ZCCHC7: variants seen among roughly 807,000 people sequenced by gnomAD.
ZCCHC7 encodes the protein zinc finger CCHC domain-containing protein 7.
Under a neutral mutation model 52.0 loss-of-function variants are expected in ZCCHC7, and 35 were observed. The ratio of observed to expected loss-of-function variants is 0.67; its 90% CI spans 0.51 to 0.89. ZCCHC7 has a LOEUF of 0.89. Ranked by LOEUF, ZCCHC7 falls within the 40% of genes least tolerant of loss-of-function variation. The pLI is 0.00. For synonymous variants in ZCCHC7, 217 were observed against 221.5 expected, an observed-to-expected ratio of 0.98 and a Z score of 0.18; for missense variants, 574 against 649.1, an observed-to-expected ratio of 0.88 and a Z score of 1.26.
intron 2 of ZCCHC7, among the ~76,000 whole-genome samples, chr9:37,237,234 C>T (rs745973157): frequency 3.9e-5 from 6 of 152,208 alleles, no homozygotes; most frequent in Non-Finnish European, 7.3e-5. Flanking sequence ...CTTGAGTGAA[C>T]ATATTCCATT....
At chr9:37,128,718 C>A (rs1842642855) in intron 2 of ZCCHC7, among the ~76,000 whole-genome samples, 1 of 152,112 alleles carries the variant, frequency 6.6e-6, no homozygotes, top group African/African-American at 2.4e-5. Flanking sequence ...TTGAGTGAAT[C>A]AACAGTAAGA....
intron 2 of ZCCHC7, among the ~76,000 whole-genome samples, chr9:37,197,149 AACTTGTTAAAC>A (rs1823331388): frequency 6.6e-6 from 1 of 152,170 alleles, no homozygotes; most frequent in African/African-American, 2.4e-5. Context: ...AAGGTAGAGG[AACTTGTTAAAC>A]ACTTTAAAAT....
At chr9:37,177,632 C>T (rs925936745) in intron 2 of ZCCHC7, among the ~76,000 whole-genome samples, 33 of 152,058 alleles carry the variant, frequency 2.2e-4, no homozygotes, top group African/African-American at 7.5e-4. Context: ...TAAGAGAGAA[C>T]ACAATAAGAC....
chr9:37,209,610 C>T (rs1019955305), intron 2 of ZCCHC7, among the ~76,000 whole-genome samples: 2 of 152,154 alleles, frequency 1.3e-5, no homozygotes, highest in African/African-American at 2.4e-5. Flanking sequence ...AATGGTTTCA[C>T]TCTACCTGTT....
At chr9:37,185,694 T>G (rs1822613758) in intron 2 of ZCCHC7, among the ~76,000 whole-genome samples, 1 of 152,158 alleles carries the variant, frequency 6.6e-6, no homozygotes. Flanking sequence ...TCAGGTGGCT[T>G]TGGTCTCAAA....
At chr9:37,288,964 A>G (rs1342670649) in intron 2 of ZCCHC7, among the ~76,000 whole-genome samples, 2 of 152,186 alleles carry the variant, frequency 1.3e-5, no homozygotes, top group East Asian at 3.8e-4. Context: ...CTCATAATCC[A>G]GTATCCAATG....
chr9:37,350,972 A>G (rs1821340560), intron 7 of ZCCHC7, among the ~76,000 whole-genome samples: 1 of 152,236 alleles, frequency 6.6e-6, no homozygotes, highest in Non-Finnish European at 1.5e-5. Context: ...CAGACTGAGA[A>G]GTATGAGCAA....
intron 2 of ZCCHC7, among the ~76,000 whole-genome samples, chr9:37,301,962 A>T (rs1829048174): frequency 6.6e-6 from 1 of 152,190 alleles, no homozygotes; most frequent in Admixed American, 6.5e-5. Context: ...CAGGGAAAAT[A>T]CTATTATCCC....
At chr9:37,339,844 A>G (rs1448072261) in intron 6 of ZCCHC7, among the ~76,000 whole-genome samples, 1 of 152,220 alleles carries the variant, frequency 6.6e-6, no homozygotes, top group East Asian at 1.9e-4. Flanking sequence ...TACATATCGT[A>G]TATAGTAATG....
At chr9:37,195,846 G>C (rs1266904663) in intron 2 of ZCCHC7, among the ~76,000 whole-genome samples, 1 of 152,138 alleles carries the variant, frequency 6.6e-6, no homozygotes, top group Non-Finnish European at 1.5e-5. Context: ...ATAAAATATT[G>C]CCAAAATAAT....
At chr9:37,334,470 G>T (rs1434828479) in intron 6 of ZCCHC7, among the ~76,000 whole-genome samples, 1 of 151,898 alleles carries the variant, frequency 6.6e-6, no homozygotes, top group Non-Finnish European at 1.5e-5. Flanking sequence ...TCCTTGACTT[G>T]TTAACATGAA....
intron 8 of ZCCHC7, among the ~76,000 whole-genome samples, chr9:37,355,847 T>C (rs145536816): frequency 5.9e-5 from 9 of 152,340 alleles, no homozygotes; most frequent in Admixed American, 2.6e-4. Flanking sequence ...GGAGAAGTTA[T>C]AGTAGTTGTA....
intron 2 of ZCCHC7, among the ~76,000 whole-genome samples, chr9:37,280,860 C>T (rs1239291259): frequency 6.6e-6 from 1 of 151,942 alleles, no homozygotes; most frequent in Non-Finnish European, 1.5e-5. Flanking sequence ...CCTTGGCCTC[C>T]CAGACTCAGG....
At chr9:37,208,394 C>A (rs1416512598) in intron 2 of ZCCHC7, among the ~76,000 whole-genome samples, 1 of 152,176 alleles carries the variant, frequency 6.6e-6, no homozygotes, top group Non-Finnish European at 1.5e-5. Flanking sequence ...CCTATTAAAG[C>A]TTCTGAAACA....
intron 2 of ZCCHC7, among the ~76,000 whole-genome samples, chr9:37,282,968 G>A (rs559553298): frequency 6.6e-6 from 1 of 150,976 alleles, no homozygotes; most frequent in South Asian, 2.1e-4. Flanking sequence ...GATGTGGGGT[G>A]GGGTGGGATG....
chr9:37,125,279 A>G (rs1337429809), intron 1 of ZCCHC7, among the ~76,000 whole-genome samples: 1 of 152,218 alleles, frequency 6.6e-6, no homozygotes, highest in Non-Finnish European at 1.5e-5. Flanking sequence ...CCTCCTGAGT[A>G]GTAGCTGGGA....
chr9:37,253,589 G>A (rs1445201166), intron 2 of ZCCHC7, among the ~76,000 whole-genome samples: 1 of 151,824 alleles, frequency 6.6e-6, no homozygotes, highest in Non-Finnish European at 1.5e-5. Flanking sequence ...AATTGACCAC[G>A]TGACACACAC....
intron 2 of ZCCHC7, among the ~76,000 whole-genome samples, chr9:37,264,972 T>A (rs910470852): frequency 6.6e-6 from 1 of 152,222 alleles, no homozygotes; most frequent in Non-Finnish European, 1.5e-5. Flanking sequence ...CAGTCTGTAT[T>A]TCTGAATTTA....
At chr9:37,307,058 T>TC (rs201665117) in intron 5 of ZCCHC7, among the ~76,000 whole-genome samples, 7,666 of 151,930 alleles carry the variant, frequency 0.05, 625 homozygotes, top group African/African-American at 0.17. Context: ...AGTGCTAGGA[T>TC]TACAGGTGTG....
Sources: gnomAD v4.1 joint callset for allele counts (sites outside exome capture counted in the v4.1 genomes callset) on GRCh38, gnomAD v4.1.1 for gene constraint, MANE v1.5 for transcripts, NCBI Gene and HGNC (gene_info 2026-07-23, HGNC 2026-07-21) for gene names.